TRPC5: variants seen among roughly 807,000 people sequenced by gnomAD.
TRPC5 encodes the protein transient receptor potential cation channel subfamily C member 5, also known as short transient receptor potential channel 5.
TRPC5 carries 9 observed loss-of-function variants against 56.5 expected under a neutral mutation model. The observed-to-expected ratio is 0.16, with a 90% CI of 0.10 to 0.28. The LOEUF (loss-of-function observed/expected upper bound fraction) is 0.28. TRPC5 is among the 10% of genes least tolerant of loss of function. The pLI is 1.00. For synonymous variants in TRPC5, 282 were observed against 278.5 expected (o/e 1.01, Z -0.13); for missense variants, 469 against 748.9 (o/e 0.63, Z 4.36).
chrX:111,799,024 G>C (rs1921212928), intron 7 of TRPC5, among the ~76,000 whole-genome samples: 1 of 111,567 alleles, frequency 9.0e-6, no homozygotes, highest in African/African-American at 3.3e-5. Context: ...TGAAGAGAAA[G>C]GATATCTGCC....
chrX:111,856,538 A>AAATAATATAAT (rs1556569980), intron 3 of TRPC5, among the ~76,000 whole-genome samples: 1 of 95,177 alleles, frequency 1.1e-5, no homozygotes, highest in African/African-American at 4.4e-5. Flanking sequence ...GCCCTGTCTC[A>AAATAATATAAT]AATAATAATA....
intron 1 of TRPC5, among the ~76,000 whole-genome samples, chrX:111,984,889 C>T (rs976310938): frequency 4.5e-5 from 5 of 112,297 alleles, no homozygotes; most frequent in East Asian, 2.8e-4. Flanking sequence ...TACATTTATA[C>T]TATGTATATA....
chrX:111,905,422 C>T (rs941216212), intron 3 of TRPC5, among the ~76,000 whole-genome samples: 12 of 111,795 alleles, frequency 1.1e-4, no homozygotes, highest in East Asian at 2.8e-4. Context: ...CTTCTAGTTC[C>T]TGAAGTTAGT....
chrX:111,801,461 T>C lies in TRPC5; in HGVS notation c.1897-19323A>G, dbSNP rs1921308180. Among the ~76,000 whole-genome samples, 5 of 112,119 alleles carry C rather than the reference T, an allele frequency of 4.5e-5. 1 individual carries two copies. In the South Asian group the frequency reaches 1.8e-3, roughly 41 times the overall value. ...ATGATAACTTTAACTATCTGAGGGA[T>C]ATCCCTATTGTTTCCCAAAGTGGCT... is the stretch of plus-strand genomic sequence containing the variant. On this transcript the variant is annotated intron_variant, in intron 7 of 10. Transcript: ENST00000262839.
intron 1 of TRPC5, among the ~76,000 whole-genome samples, chrX:111,958,599 C>T (rs1050647588): frequency 8.0e-5 from 9 of 112,209 alleles, no homozygotes; most frequent in South Asian, 7.5e-4. Flanking sequence ...GTCATGGGCT[C>T]GGGCAAGAAG....
At chrX:112,030,328 C>T (rs1006874991) in intron 1 of TRPC5, among the ~76,000 whole-genome samples, 2 of 112,340 alleles carry the variant, frequency 1.8e-5, no homozygotes, top group African/African-American at 6.5e-5. Flanking sequence ...AACTCTAAGC[C>T]TCGAAGATAT....
rs143149727 is a variant in TRPC5, at chrX:112,029,985, G to A, written c.-22+51894C>T. ...TGGGATCACAGGCTTGTGCAACCAC[G>A]CCTGGCTATTTGTATTTTTAGTAGA... On this transcript the variant is annotated intron_variant, in intron 1 of 10. Coordinates refer to ENST00000262839, the MANE Select transcript of TRPC5 (RefSeq NM_012471.3). Among the ~76,000 whole-genome samples, 941 of 111,115 alleles carry A rather than the reference G, an allele frequency of 8.5e-3. 3 individuals are homozygous for A. Among genetic ancestry groups the A allele is most frequent in the Middle Eastern group, 0.014 (3 of 213 alleles).
At chrX:111,845,777 G>T (rs745670206) in intron 6 of TRPC5, among the ~76,000 whole-genome samples, 1 of 112,083 alleles carries the variant, frequency 8.9e-6, no homozygotes, top group South Asian at 3.8e-4. Flanking sequence ...GAGCTGATAA[G>T]CTGCTGTTAT....
chrX:112,072,511 T>C (rs775775485), intron 1 of TRPC5, among the ~76,000 whole-genome samples: 30 of 111,833 alleles, frequency 2.7e-4, no homozygotes, highest in African/African-American at 8.4e-4. Flanking sequence ...CTGGCACCTT[T>C]ACTTCAACAT....
At chrX:111,899,415 G>GGA (rs977777787) in intron 3 of TRPC5, among the ~76,000 whole-genome samples, 10 of 111,394 alleles carry the variant, frequency 9.0e-5, no homozygotes, top group African/African-American at 3.3e-4. Flanking sequence ...TCCAGTTTTA[G>GGA]GAGAGAGAGA....
intron 6 of TRPC5, among the ~76,000 whole-genome samples, chrX:111,844,020 T>A (rs1229159447): frequency 1.8e-5 from 2 of 108,903 alleles, no homozygotes; most frequent in African/African-American, 6.7e-5. Flanking sequence ...GTGACACACT[T>A]GATGATGTGT....
intron 7 of TRPC5, among the ~76,000 whole-genome samples, chrX:111,828,625 A>G (rs1922309446): frequency 8.9e-6 from 1 of 111,933 alleles, no homozygotes; most frequent in African/African-American, 3.2e-5. Context: ...ATGGGGAAGC[A>G]GCTTTGGAAC....
At chrX:112,024,865 G>A (rs1261064289) in intron 1 of TRPC5, among the ~76,000 whole-genome samples, 1 of 111,732 alleles carries the variant, frequency 8.9e-6, no homozygotes, top group Non-Finnish European at 1.9e-5. Context: ...TCACCTCCCT[G>A]GGATTACTTC....
chrX:111,921,896 C>A (rs997412971), intron 2 of TRPC5, among the ~76,000 whole-genome samples: 12 of 111,946 alleles, frequency 1.1e-4, no homozygotes, highest in African/African-American at 3.6e-4. Context: ...GTTCAAGGAT[C>A]CTTCTGGATG....
chrX:112,055,144 C>T (rs897996987), intron 1 of TRPC5, among the ~76,000 whole-genome samples: 1 of 112,226 alleles, frequency 8.9e-6, no homozygotes, highest in Non-Finnish European at 1.9e-5. Flanking sequence ...TTTTAATTAA[C>T]CTAATCCTCA....
chrX:111,999,367 T>C (rs904400853), intron 1 of TRPC5, among the ~76,000 whole-genome samples: 4 of 111,564 alleles, frequency 3.6e-5, no homozygotes, highest in African/African-American at 1.3e-4. Flanking sequence ...GAACATGGGA[T>C]ATCTGTCTTT....
At chrX:111,963,944 C>T (rs752663237) in intron 1 of TRPC5, among the ~76,000 whole-genome samples, 4 of 112,176 alleles carry the variant, frequency 3.6e-5, no homozygotes, top group African/African-American at 1.3e-4. Flanking sequence ...AACGCAGCTC[C>T]TCACCAGCAA....
intron 3 of TRPC5, among the ~76,000 whole-genome samples, chrX:111,861,797 A>C (rs1335426638): frequency 8.9e-6 from 1 of 111,793 alleles, no homozygotes; most frequent in Non-Finnish European, 1.9e-5. Flanking sequence ...TCTTTATGAT[A>C]CTGACAAGTG....
chrX:111,778,152 TG>T (rs1255900208), intron 10 of TRPC5, among the ~76,000 whole-genome samples: 9 of 109,967 alleles, frequency 8.2e-5, no homozygotes, highest in Non-Finnish European at 1.7e-4. Context: ...TGTCAGGTGG[TG>T]GGGGTTAGGG....
Sources: gnomAD v4.1 joint callset for allele counts (sites outside exome capture counted in the v4.1 genomes callset) on GRCh38, gnomAD v4.1.1 for gene constraint, MANE v1.5 for transcripts, NCBI Gene and HGNC (gene_info 2026-07-23, HGNC 2026-07-21) for gene names.